The following CYP19A1 variants were observed in gnomAD, a reference collection of about 807,000 sequenced individuals.
The protein encoded by CYP19A1 is aromatase.
CYP19A1 carries 32 observed loss-of-function variants against 44.4 expected under a neutral mutation model. The ratio of observed to expected loss-of-function variants is 0.72; its 90% CI spans 0.54 to 0.97. CYP19A1 has a LOEUF of 0.97. Among genes scored for constraint, CYP19A1 ranks in the 50% least tolerant of loss-of-function variants. The pLI is 0.00. For synonymous variants in CYP19A1, 212 were observed against 215.6 expected, an observed-to-expected ratio of 0.98 and a Z score of 0.14; for missense variants, 598 against 637.8, an observed-to-expected ratio of 0.94 and a Z score of 0.67.
intron 1 of CYP19A1, among the ~76,000 whole-genome samples, chr15:51,305,770 A>G (rs987048095): frequency 1.3e-5 from 2 of 152,140 alleles, no homozygotes; most frequent in African/African-American, 2.4e-5. Context: ...TATGTTGGCC[A>G]GGCTGGTCTC....
chr15:51,278,305 C>T (rs2035397312), intron 1 of CYP19A1: 1 of 152,150 alleles, frequency 6.6e-6, no homozygotes. Flanking sequence ...TTACTAATCA[C>T]AAATAGAAAA....
At chr15:51,323,583 A>G (rs2036561866) in intron 1 of CYP19A1, among the ~76,000 whole-genome samples, 1 of 151,518 alleles carries the variant, frequency 6.6e-6, no homozygotes, top group Non-Finnish European at 1.5e-5. Context: ...ATGGCTATGG[A>G]GTCACTGATC....
Position 51,210,542 on chromosome 15 carries a change from G to T in CYP19A1, c.*266C>A. On this transcript the variant is annotated 3_prime_UTR_variant, in exon 10 of 10. Coordinates refer to ENST00000396402, the MANE Select transcript of CYP19A1 (RefSeq NM_000103.4). ...CTCAAAGCACATTTGGTGGAATCGGGTCTTTATGGATACGGTTTCTTCACC... is the reference window on the plus strand; with the variant it reads ...CTCAAAGCACATTTGGTGGAATCGGTTCTTTATGGATACGGTTTCTTCACC... 1.6e-6 allele frequency: 1 copy of T among 612,490 alleles called. No individual in the cohort carries two copies. The highest frequency in any genetic ancestry group is 1.5e-5 in the South Asian group (1 of 66,026). The allele number at this position is 612,490 out of a possible 1,614,324, so 37.9% of individuals were successfully genotyped here. A position where few individuals can be genotyped will look rare whatever the true frequency, so the allele number is the denominator to read the frequency against.
chr15:51,261,120 G>A lies in CYP19A1; in HGVS notation c.-38-18170C>T, dbSNP rs533891651. Among the ~76,000 whole-genome samples the A allele has an allele frequency of 2.0e-5, 3 of 152,332 alleles. 1 individual carries two copies. In the South Asian group the frequency reaches 6.2e-4, roughly 32 times the overall value. ...CTCGCCATTGTTCCTGCATGGCTAAGTGCTCAGGTTCAGCCTAATCGAGCT... is the reference window on the plus strand; with the variant it reads ...CTCGCCATTGTTCCTGCATGGCTAAATGCTCAGGTTCAGCCTAATCGAGCT... On this transcript the variant is annotated intron_variant, in intron 1 of 9. Transcript: ENST00000396402.
At chr15:51,286,953 T>C (rs2035717283) in intron 1 of CYP19A1, among the ~76,000 whole-genome samples, 1 of 152,176 alleles carries the variant, frequency 6.6e-6, no homozygotes, top group Non-Finnish European at 1.5e-5. Context: ...CTAGTCTTGC[T>C]GAGGCTGATT....
chr15:51,237,034 C>T (rs1173352958), intron 2 of CYP19A1, 25 bp from the exon 3 acceptor site: 2 of 1,613,924 alleles, frequency 1.2e-6, no homozygotes, highest in South Asian at 2.2e-5. Context: ...AGAGCATAAG[C>T]AACATCTTAG....
Position 51,212,563 on chromosome 15 carries a change from T to A in CYP19A1, c.1022-2A>T. 1 of 1,461,548 alleles carries A rather than the reference T, an allele frequency of 6.8e-7. No homozygotes were observed. The highest frequency in any genetic ancestry group is 9.6e-7 in the Non-Finnish European group (1 of 1,040,742). 90.5% of individuals were successfully genotyped at this position (1,461,548 alleles called of 1,614,324 possible). On this transcript the variant is annotated splice_acceptor_variant, in intron 8 of 9. Transcript: ENST00000396402. LOFTEE classifies it high-confidence loss of function. Reference sequence around the variant, plus strand: ...CATCAATCTTTATGTCTCTCTCACCTGTGGAAACAGATAAAAGGAACAAAG... The same window carrying A: ...CATCAATCTTTATGTCTCTCTCACCAGTGGAAACAGATAAAAGGAACAAAG...
At chr15:51,254,878 G>A (rs1046423789) in intron 1 of CYP19A1, among the ~76,000 whole-genome samples, 1 of 152,128 alleles carries the variant, frequency 6.6e-6, no homozygotes, top group Non-Finnish European at 1.5e-5. Context: ...TCCTTTCAAG[G>A]TGTTGGCATT....
intron 1 of CYP19A1, among the ~76,000 whole-genome samples, chr15:51,291,238 G>A (rs1371839494): frequency 6.6e-6 from 1 of 152,152 alleles, no homozygotes; most frequent in African/African-American, 2.4e-5. Context: ...AGAGGATCGG[G>A]TAGGCAGAGA....
At position 51,258,001 on chromosome 15, in the gene CYP19A1, T is replaced by C. The variant is rs567723503; in HGVS notation, c.-38-15051A>G. Among the ~76,000 whole-genome samples, 3 of 152,348 alleles carry C rather than the reference T, an allele frequency of 2.0e-5. No individual in the cohort carries two copies. In the South Asian group the frequency reaches 6.2e-4, roughly 32 times the overall value. On this transcript the variant is annotated intron_variant, in intron 1 of 9. Transcript: ENST00000396402. Reference sequence around the variant, plus strand: ...AGCACCTTTTAGCCAATAGTCTTATTTAATCCTCATATTGACTCTGTGAGT... The same window carrying C: ...AGCACCTTTTAGCCAATAGTCTTATCTAATCCTCATATTGACTCTGTGAGT...
chr15:51,334,464 A>C (rs1340710446), intron 1 of CYP19A1, among the ~76,000 whole-genome samples: 1 of 152,228 alleles, frequency 6.6e-6, no homozygotes, highest in Non-Finnish European at 1.5e-5. Context: ...TTTATCTTTC[A>C]AAAACAGTGG....
chr15:51,318,543 T>C (rs1479419687), intron 1 of CYP19A1: 1 of 152,222 alleles, frequency 6.6e-6, no homozygotes, highest in African/African-American at 2.4e-5. Context: ...GCCCCGCCCA[T>C]GACCCCACAT....
intron 3 of CYP19A1, among the ~76,000 whole-genome samples, chr15:51,231,951 T>C (rs1002707542): frequency 1.3e-5 from 2 of 151,618 alleles, no homozygotes; most frequent in South Asian, 4.2e-4. Context: ...CATCCACTTG[T>C]CCCCAGGGAC....
At chr15:51,273,361 A>G (rs1431384427) in intron 1 of CYP19A1, among the ~76,000 whole-genome samples, 2 of 152,230 alleles carry the variant, frequency 1.3e-5, no homozygotes, top group Non-Finnish European at 2.9e-5. Flanking sequence ...TATATTCAGC[A>G]GGCAAAATAA....
rs747161974 is a variant in CYP19A1 at position 51,242,849 on chromosome 15, G to T, written c.64C>A (p.Pro22Thr). 1 of 1,596,390 alleles carries T rather than the reference G, an allele frequency of 6.3e-7. No individual in the cohort carries two copies. Among genetic ancestry groups the T allele is most frequent in the African/African-American group, 1.3e-5 (1 of 74,678 alleles). The change falls in exon 2 of 10, where the codon CCT becomes ACT. Residue 22 changes from proline to threonine, a missense_variant. By Grantham distance (38) the Pro-to-Thr change is conservative (BLOSUM62 -1). Coordinates refer to ENST00000396402, the MANE Select transcript of CYP19A1 (RefSeq NM_000103.4). ...NITSIVPEAM[P>T]AATMPVLLLT... Reference sequence around the variant, plus strand: ...AGCAGGACTGGCATGGTGGCAGCAGGCATGGCTTCAGGCACGATGCTGGTG... The same window carrying T: ...AGCAGGACTGGCATGGTGGCAGCAGTCATGGCTTCAGGCACGATGCTGGTG...
intron 1 of CYP19A1, among the ~76,000 whole-genome samples, chr15:51,309,710 A>G (rs1462157663): frequency 6.6e-6 from 1 of 152,220 alleles, no homozygotes; most frequent in African/African-American, 2.4e-5. Flanking sequence ...AGAAACAATG[A>G]TAGAAGTTTC....
At chr15:51,335,950 C>T (rs937290068) in intron 1 of CYP19A1, among the ~76,000 whole-genome samples, 6 of 152,344 alleles carry the variant, frequency 3.9e-5, no homozygotes, top group Admixed American at 3.3e-4. Flanking sequence ...TCAAATAAGC[C>T]ATGCCATCTC....
chr15:51,211,178 C>T (rs2030939937), intron 9 of CYP19A1, 122 bp from the exon 10 acceptor site: 1 of 711,112 alleles, frequency 1.4e-6, no homozygotes, highest in South Asian at 1.5e-5. Flanking sequence ...AGCTACAATG[C>T]CCTCCATCCC....
chr15:51,320,929 T>G (rs1016374655), intron 1 of CYP19A1: 1 of 152,264 alleles, frequency 6.6e-6, no homozygotes, highest in African/African-American at 2.4e-5. Flanking sequence ...CAAAATCTGG[T>G]GTGTGTTTTA....
Sources: gnomAD v4.1 joint callset for allele counts (sites outside exome capture counted in the v4.1 genomes callset) on GRCh38, gnomAD v4.1.1 for gene constraint, MANE v1.5 for transcripts, NCBI Gene and HGNC (gene_info 2026-07-23, HGNC 2026-07-21) for gene names.